KCNB2: variants seen among roughly 807,000 people sequenced by gnomAD.
The protein encoded by KCNB2 is potassium voltage-gated channel subfamily B member 2, also known as delayed rectifier potassium channel protein.
In KCNB2, 15 loss-of-function variants were observed where a neutral mutation model predicts 61.5. That is an observed-to-expected ratio of 0.24 (90% confidence interval 0.16 to 0.38). The LOEUF is 0.38. Ranked by LOEUF, KCNB2 falls within the 10% of genes least tolerant of loss-of-function variation. The pLI is 1.00. For missense variants in KCNB2, 828 were observed against 1,125.2 expected (o/e 0.74, Z 3.78); for synonymous variants, 457 against 446.0 (o/e 1.02, Z -0.31).
intron 2 of KCNB2, among the ~76,000 whole-genome samples, chr8:72,672,430 A>T (rs781387810): frequency 3.9e-5 from 6 of 152,132 alleles, no homozygotes; most frequent in Non-Finnish European, 7.4e-5. Flanking sequence ...ATGCTAACAC[A>T]TCCTGAATTA....
At chr8:72,869,772 A>C (rs1805587632) in intron 2 of KCNB2, among the ~76,000 whole-genome samples, 1 of 152,204 alleles carries the variant, frequency 6.6e-6, no homozygotes, top group Non-Finnish European at 1.5e-5. Context: ...CACTATAGAA[A>C]ATAGTGTGGA....
chr8:72,916,217 C>T (rs776676957), intron 2 of KCNB2, among the ~76,000 whole-genome samples: 11 of 152,144 alleles, frequency 7.2e-5, no homozygotes, highest in Non-Finnish European at 5.9e-5. Context: ...CTCCCACATG[C>T]TTTTGGAAAA....
intron 2 of KCNB2, chr8:72,618,903 G>T (rs1231512715): frequency 6.4e-6 from 2 of 311,792 alleles, no homozygotes; most frequent in Non-Finnish European, 1.3e-5. Flanking sequence ...CTCTGATACC[G>T]CTACTAGGGA....
intron 2 of KCNB2, among the ~76,000 whole-genome samples, chr8:72,792,889 C>G (rs1808969514): frequency 6.6e-6 from 1 of 152,114 alleles, no homozygotes; most frequent in African/African-American, 2.4e-5. Context: ...AACCATAGGT[C>G]CCGGAATTCT....
At chr8:72,642,310 A>G (rs1806067865) in intron 2 of KCNB2, among the ~76,000 whole-genome samples, 1 of 152,164 alleles carries the variant, frequency 6.6e-6, no homozygotes, top group Non-Finnish European at 1.5e-5. Context: ...GAAATATGTT[A>G]TTACACTTTA....
At chr8:72,930,191 G>C (rs186926978) in intron 2 of KCNB2, among the ~76,000 whole-genome samples, 3,800 of 151,582 alleles carry the variant, frequency 0.025, 144 homozygotes, top group African/African-American at 0.088. Context: ...TCTTAATCTA[G>C]TCTATCATTG....
At chr8:72,560,523 T>A (rs1338465305) in intron 1 of KCNB2, among the ~76,000 whole-genome samples, 4 of 152,216 alleles carry the variant, frequency 2.6e-5, no homozygotes, top group Middle Eastern at 3.2e-3. Flanking sequence ...CCTTATTTTT[T>A]TCATCACCTT....
chr8:72,721,970 C>T (rs180898428), intron 2 of KCNB2, among the ~76,000 whole-genome samples: 34 of 152,284 alleles, frequency 2.2e-4, no homozygotes, highest in Middle Eastern at 3.4e-3. Context: ...ATTGAGAGTC[C>T]GTGCTTGATC....
intron 2 of KCNB2, among the ~76,000 whole-genome samples, chr8:72,752,337 C>A (rs1177986778): frequency 6.6e-6 from 1 of 152,106 alleles, no homozygotes; most frequent in Non-Finnish European, 1.5e-5. Context: ...AACATTATTT[C>A]TGGGTGTATT....
At chr8:72,915,677 T>C (rs1307090344) in intron 2 of KCNB2, among the ~76,000 whole-genome samples, 3 of 152,056 alleles carry the variant, frequency 2.0e-5, no homozygotes, top group African/African-American at 7.2e-5. Context: ...CCCAGCACTT[T>C]GGGAGGCTGA....
chr8:72,676,967 T>C (rs926097739), intron 2 of KCNB2, among the ~76,000 whole-genome samples: 2 of 152,190 alleles, frequency 1.3e-5, no homozygotes, highest in South Asian at 2.1e-4. Context: ...AACCCCTCGG[T>C]ACCTCACACA....
chr8:72,788,680 C>T lies in KCNB2; in HGVS notation c.580-147255C>T, dbSNP rs540651218. On this transcript the variant is annotated intron_variant, in intron 2 of 2. Coordinates refer to ENST00000523207, the MANE Select transcript of KCNB2 (RefSeq NM_004770.3). ...CAAAAAGAGGACAAGTTTCAGTCCACAGTGATCCAAATTGAAGAGAATTAG... is the reference window on the plus strand; with the variant it reads ...CAAAAAGAGGACAAGTTTCAGTCCATAGTGATCCAAATTGAAGAGAATTAG... Among the ~76,000 whole-genome samples the T allele has an allele frequency of 3.6e-4, 55 of 152,210 alleles. No homozygotes were observed. The South Asian group carries it at 0.01, about 29-fold the overall frequency.
At chr8:72,729,394 C>T (rs1302962447) in intron 2 of KCNB2, among the ~76,000 whole-genome samples, 1 of 152,160 alleles carries the variant, frequency 6.6e-6, no homozygotes, top group Non-Finnish European at 1.5e-5. Context: ...AATGCAAACT[C>T]ACAGGGAGGC....
At chr8:72,917,458 A>G (rs904239241) in intron 2 of KCNB2, among the ~76,000 whole-genome samples, 1 of 152,192 alleles carries the variant, frequency 6.6e-6, no homozygotes, top group Non-Finnish European at 1.5e-5. Context: ...ACATATGGTT[A>G]TTTTATTGAA....
chr8:72,883,872 A>G (rs1372419175), intron 2 of KCNB2, among the ~76,000 whole-genome samples: 2 of 152,176 alleles, frequency 1.3e-5, no homozygotes, highest in Non-Finnish European at 2.9e-5. Flanking sequence ...GCTGTTACCA[A>G]CAACACTGCG....
intron 2 of KCNB2, among the ~76,000 whole-genome samples, chr8:72,837,889 G>A (rs949728641): frequency 1.3e-5 from 2 of 152,028 alleles, no homozygotes; most frequent in Non-Finnish European, 2.9e-5. Context: ...TATGAAATAT[G>A]TTAGCAAAAG....
chr8:72,840,235 T>C (rs1360799083), intron 2 of KCNB2, among the ~76,000 whole-genome samples: 1 of 152,224 alleles, frequency 6.6e-6, no homozygotes, highest in African/African-American at 2.4e-5. Flanking sequence ...GCAAAGGACA[T>C]GAACTCATCC....
intron 2 of KCNB2, among the ~76,000 whole-genome samples, chr8:72,821,659 A>AAAAAAAAAAAAAAAC (rs1554535735): frequency 3.4e-5 from 4 of 117,064 alleles, no homozygotes; most frequent in Admixed American, 1.0e-4. Context: ...AAAAAAAAAA[A>AAAAAAAAAAAAAAAC]ACACACACAC....
chr8:72,587,108 T>G (rs1807012571), intron 2 of KCNB2, among the ~76,000 whole-genome samples: 1 of 152,218 alleles, frequency 6.6e-6, no homozygotes, highest in Non-Finnish European at 1.5e-5. Context: ...TGGAATTTAC[T>G]CAGTATGTAT....
Sources: gnomAD v4.1 joint callset for allele counts (sites outside exome capture counted in the v4.1 genomes callset) on GRCh38, gnomAD v4.1.1 for gene constraint, MANE v1.5 for transcripts, NCBI Gene and HGNC (gene_info 2026-07-23, HGNC 2026-07-21) for gene names.